The following DAB1 variants were observed in gnomAD, a reference collection of about 807,000 sequenced individuals.
The protein encoded by DAB1 is DAB adaptor protein 1.
DAB1 carries 15 observed loss-of-function variants against 64.6 expected under a neutral mutation model. The ratio of observed to expected loss-of-function variants is 0.23; its 90% CI spans 0.16 to 0.36. The LOEUF (loss-of-function observed/expected upper bound fraction) is 0.36. Among genes scored for constraint, DAB1 ranks in the 10% least tolerant of loss-of-function variants. The probability of loss-of-function intolerance (pLI) is 1.00; values close to 1 mark genes in which losing one functional copy is unlikely to be tolerated. For synonymous variants in DAB1, 235 were observed against 251.9 expected, an observed-to-expected ratio of 0.93 and a Z score of 0.64; for missense variants, 596 against 706.7, an observed-to-expected ratio of 0.84 and a Z score of 1.78.
At chr1:57,305,969 A>C (rs1222713466) in intron 1 of DAB1, among the ~76,000 whole-genome samples, 1 of 126,806 alleles carries the variant, frequency 7.9e-6, no homozygotes, top group Non-Finnish European at 1.7e-5. Flanking sequence ...ACTCCGTCTC[A>C]AAAAAAAAAA....
At chr1:57,318,431 G>A (rs1299495161) in intron 1 of DAB1, among the ~76,000 whole-genome samples, 1 of 152,106 alleles carries the variant, frequency 6.6e-6, no homozygotes, top group Non-Finnish European at 1.5e-5. Flanking sequence ...AAATACTCTG[G>A]TAGATAGAAT....
chr1:57,047,648 G>C (rs1008312691), intron 9 of DAB1, among the ~76,000 whole-genome samples: 2 of 152,112 alleles, frequency 1.3e-5, no homozygotes, highest in Non-Finnish European at 1.5e-5. Context: ...TCCATAACTC[G>C]GGAAAATAAT....
intron 9 of DAB1, among the ~76,000 whole-genome samples, chr1:57,036,089 C>T: frequency 6.8e-6 from 1 of 146,818 alleles, no homozygotes; most frequent in East Asian, 2.0e-4. Context: ...CCTTCCTCAG[C>T]CACCAAGCCC....
At chr1:57,558,564 C>A (rs963834364) in intron 7 of DAB1, among the ~76,000 whole-genome samples, 1 of 152,076 alleles carries the variant, frequency 6.6e-6, no homozygotes, top group Non-Finnish European at 1.5e-5. Flanking sequence ...AAACAGAAAT[C>A]TGGAGAATAG....
At chr1:57,690,377 C>T (rs1486184272) in intron 6 of DAB1, among the ~76,000 whole-genome samples, 1 of 152,144 alleles carries the variant, frequency 6.6e-6, no homozygotes, top group Non-Finnish European at 1.5e-5. Context: ...AGATTTCCCT[C>T]TTGCTGTTCT....
chr1:57,916,493 T>C (rs114005280), intron 5 of DAB1, among the ~76,000 whole-genome samples: 2,662 of 152,354 alleles, frequency 0.017, 77 homozygotes, highest in African/African-American at 0.061. Flanking sequence ...TAAATGTGTA[T>C]TAAGAACAGC....
chr1:57,677,638 G>A (rs1646583746), intron 6 of DAB1, among the ~76,000 whole-genome samples: 2 of 152,128 alleles, frequency 1.3e-5, no homozygotes, highest in Admixed American at 6.5e-5. Context: ...TAATAGAATT[G>A]CTTAGCTGAG....
chr1:58,465,761 T>C (rs1313817775), intron 3 of DAB1, among the ~76,000 whole-genome samples: 1 of 152,210 alleles, frequency 6.6e-6, no homozygotes, highest in Non-Finnish European at 1.5e-5. Flanking sequence ...TTAATTCATG[T>C]ACTTCTGTCA....
At chr1:57,871,867 C>T (rs973490021) in intron 1 of DAB1, among the ~76,000 whole-genome samples, 11 of 152,160 alleles carry the variant, frequency 7.2e-5, no homozygotes, top group Admixed American at 7.2e-4. Context: ...TGACAGCTCT[C>T]CTAGATCACT....
chr1:57,130,948 A>G (rs902057263), intron 4 of DAB1, among the ~76,000 whole-genome samples: 7 of 152,254 alleles, frequency 4.6e-5, no homozygotes, highest in Non-Finnish European at 1.0e-4. Context: ...AATTTCTAGA[A>G]AGACATTAGA....
Position 57,651,752 on chromosome 1 carries a change from C to T in DAB1, n.552-2087G>A, listed in dbSNP as rs373333129. Among the ~76,000 whole-genome samples the T allele has an allele frequency of 4.3e-4, 66 of 152,284 alleles. No individual in the cohort carries two copies. In the East Asian group the frequency reaches 5.8e-3, roughly 13 times the overall value. ...TAAAGACCTGGAGCTCTTAAACACA[C>T]ATCAATCTTCCTTTATATTATATGC... On this transcript the variant is annotated intron_variant and non_coding_transcript_variant, in intron 6 of 20. Transcript: ENST00000485760.
chr1:57,343,938 G>A (rs1459711097), intron 1 of DAB1, among the ~76,000 whole-genome samples: 1 of 152,276 alleles, frequency 6.6e-6, no homozygotes, highest in African/African-American at 2.4e-5. Context: ...GCGAGCAAGG[G>A]CTGTGAGGGC....
intron 5 of DAB1, among the ~76,000 whole-genome samples, chr1:58,026,281 T>G (rs1436004136): frequency 6.6e-6 from 1 of 152,184 alleles, no homozygotes; most frequent in Non-Finnish European, 1.5e-5. Flanking sequence ...CAAGAAGGCA[T>G]AGAGTGTAGG....
intron 7 of DAB1, among the ~76,000 whole-genome samples, chr1:57,439,059 G>T (rs1215097931): frequency 3.3e-5 from 5 of 152,146 alleles, no homozygotes; most frequent in Non-Finnish European, 5.9e-5. Context: ...ATTCAAGGGT[G>T]GGTAGAGAAC....
chr1:57,444,749 G>C lies in DAB1; in HGVS notation n.626-153583C>G, dbSNP rs577561394. 2.0e-5 allele frequency among the ~76,000 whole-genome samples: 3 copies of C among 152,310 alleles called. No homozygotes were observed. In the South Asian group the frequency reaches 6.2e-4, roughly 32 times the overall value. On this transcript the variant is annotated intron_variant and non_coding_transcript_variant, in intron 7 of 20. Transcript: ENST00000485760. ...CACCTGCAGCCACCAGAAGCCAGAAGAGGCAAGGAATAATTCTCCCGTAGA... is the reference window on the plus strand; with the variant it reads ...CACCTGCAGCCACCAGAAGCCAGAACAGGCAAGGAATAATTCTCCCGTAGA...
intron 1 of DAB1, among the ~76,000 whole-genome samples, chr1:57,370,677 G>A (rs565467109): frequency 7.3e-5 from 11 of 150,654 alleles, no homozygotes; most frequent in Non-Finnish European, 1.2e-4. Flanking sequence ...TAGTTTCCTC[G>A]CATATAAATG....
intron 3 of DAB1, among the ~76,000 whole-genome samples, chr1:58,350,469 C>T (rs1298734173): frequency 6.6e-6 from 1 of 152,142 alleles, no homozygotes; most frequent in East Asian, 1.9e-4. Flanking sequence ...TTAATTAGAT[C>T]CCATTTGTCA....
chr1:57,541,760 T>C (rs1644805818), intron 7 of DAB1, among the ~76,000 whole-genome samples: 1 of 152,218 alleles, frequency 6.6e-6, no homozygotes, highest in African/African-American at 2.4e-5. Context: ...AAAATTGGTA[T>C]TAGATACTAT....
intron 2 of DAB1, among the ~76,000 whole-genome samples, chr1:57,224,719 C>T (rs1182799965): frequency 6.6e-6 from 1 of 152,196 alleles, no homozygotes; most frequent in African/African-American, 2.4e-5. Context: ...TGGCATAGAG[C>T]TTCCAAATCT....
Sources: allele counts gnomAD v4.1 joint callset (sites outside exome capture counted in the v4.1 genomes callset), GRCh38; gene constraint gnomAD v4.1.1; transcripts MANE v1.5; gene names NCBI Gene and HGNC (gene_info 2026-07-23, HGNC 2026-07-21).